Variants in ACSL4 observed in about 807,000 individuals in gnomAD.
ACSL4 encodes acyl-CoA synthetase long chain family member 4, also known as long-chain-fatty-acid--CoA ligase 4.
ACSL4 carries 9 observed loss-of-function variants against 49.1 expected under a neutral mutation model. The observed-to-expected ratio is 0.18, with a 90% CI of 0.11 to 0.32. ACSL4 has a LOEUF of 0.32. ACSL4 is among the 10% of genes least tolerant of loss of function. The probability of loss-of-function intolerance (pLI) is 1.00; values close to 1 mark genes in which losing one functional copy is unlikely to be tolerated. For synonymous variants in ACSL4, 191 were observed against 170.3 expected, an observed-to-expected ratio of 1.12 and a Z score of -0.95; for missense variants, 333 against 493.7, an observed-to-expected ratio of 0.67 and a Z score of 3.08.
intron 1 of ACSL4, among the ~76,000 whole-genome samples, chrX:109,698,398 T>C (rs1423734029): frequency 8.9e-6 from 1 of 111,767 alleles, no homozygotes; most frequent in African/African-American, 3.2e-5. Flanking sequence ...TAATTTAATA[T>C]AAAAAACTAA....
At chrX:109,675,689 A>G (rs1350733555) in intron 8 of ACSL4, among the ~76,000 whole-genome samples, 1 of 111,171 alleles carries the variant, frequency 9.0e-6, no homozygotes, top group South Asian at 3.8e-4. Context: ...TCACAAAGGG[A>G]AAAAAAAATT....
At chrX:109,704,859 T>C (rs767990867) in intron 1 of ACSL4, among the ~76,000 whole-genome samples, 80 of 111,443 alleles carry the variant, frequency 7.2e-4, no homozygotes, top group Non-Finnish European at 1.2e-3. Flanking sequence ...ATGGTGCCTA[T>C]AGTTAACAAT....
chrX:109,684,824 A>T (rs944856901), intron 2 of ACSL4, among the ~76,000 whole-genome samples: 5 of 111,260 alleles, frequency 4.5e-5, no homozygotes, highest in African/African-American at 1.6e-4. Flanking sequence ...ATGAAAAAAG[A>T]TACGAAGGTG....
intron 15 of ACSL4, among the ~76,000 whole-genome samples, chrX:109,652,055 T>TTTA (rs1921186798): frequency 9.0e-6 from 1 of 111,526 alleles, no homozygotes; most frequent in Non-Finnish European, 1.9e-5. Context: ...GACTTGCAGG[T>TTTA]GGCAGCAAAT....
rs747509532 is a variant in ACSL4, at chrX:109,682,867, G to A, written c.258C>T (p.Asn86=). ...TCACTCTGCGATTCACTTCAAGATA[G>A]TTCATCCATTTATAATTCCCAAGAA... The part of the protein sequence containing the change: ...KLILGNYKWM[N]YLEVNRRVNN... The change falls in exon 4 of 16, where the codon AAC becomes AAT. Residue 86 remains asparagine, a synonymous_variant. Coordinates refer to ENST00000672401, the MANE Select transcript of ACSL4 (RefSeq NM_001318510.2). 1 of 1,209,366 alleles carries A rather than the reference G, an allele frequency of 8.3e-7. No individual in the cohort carries two copies. Among genetic ancestry groups the A allele is most frequent in the African/African-American group, 1.7e-5 (1 of 57,237 alleles).
In ACSL4 at chrX:109,669,125, T is replaced by C. The variant is rs758159887; in HGVS notation, c.1051A>G (p.Met351Val). Residue 351 changes from methionine (M) to valine (V), a missense_variant, in exon 10 of 16, where the codon ATG becomes GTG. By Grantham distance (21) the Met-to-Val change is conservative. This residue lies in a region of ACSL4 where 175 missense variants were observed against 275.8 expected (regional missense o/e 0.63). Coordinates refer to ENST00000672401, the MANE Select transcript of ACSL4 (RefSeq NM_001318510.2). Reference protein sequence around the residue: ...YKNVMSKVQEMNYIQKTLFKI... With the variant: ...YKNVMSKVQEVNYIQKTLFKI... ...AACAGAGTTTTCTGAATATAATTCA[T>C]CTCTTGGACTTTGCTCATAACATTC... 1 of 1,170,250 alleles carries C rather than the reference T, an allele frequency of 8.5e-7. No individual in the cohort carries two copies. Among genetic ancestry groups the C allele is most frequent in the East Asian group, 3.0e-5 (1 of 33,470 alleles).
At chrX:109,663,087 A>G in intron 13 of ACSL4, 124 bp downstream of exon 13, 1 of 623,787 alleles carries the variant, frequency 1.6e-6, no homozygotes, top group Non-Finnish European at 2.4e-6. Context: ...ACATAAGTTA[A>G]ATAACTTGTC....
chrX:109,677,443 T>C (rs180685854), intron 8 of ACSL4, among the ~76,000 whole-genome samples: 1 of 110,997 alleles, frequency 9.0e-6, no homozygotes, highest in Non-Finnish European at 1.9e-5. Flanking sequence ...TTCTCAAGAG[T>C]AAAAATCTAG....
At chrX:109,663,599 A>T (rs1020134217) in intron 12 of ACSL4, among the ~76,000 whole-genome samples, 197 bp from the exon 13 acceptor site, 1 of 111,533 alleles carries the variant, frequency 9.0e-6, no homozygotes, top group Admixed American at 9.6e-5. Flanking sequence ...AGGCTCAATG[A>T]TAATCACCAC....
At chrX:109,727,749 G>A (rs921116367) in intron 1 of ACSL4, among the ~76,000 whole-genome samples, 1 of 107,349 alleles carries the variant, frequency 9.3e-6, no homozygotes, top group African/African-American at 3.4e-5. Flanking sequence ...TCTGGGGTCA[G>A]CACTTTTTCT....
chrX:109,672,137 G>A (rs1173028013), intron 9 of ACSL4, among the ~76,000 whole-genome samples: 1 of 98,342 alleles, frequency 1.0e-5, no homozygotes, highest in Non-Finnish European at 2.0e-5. Context: ...GTACAATATT[G>A]TTTTCTCCAT....
At chrX:109,644,352 T>C (rs1934546977) in intron 15 of ACSL4, among the ~76,000 whole-genome samples, 166 bp from the exon 16 acceptor site, 1 of 110,684 alleles carries the variant, frequency 9.0e-6, no homozygotes, top group African/African-American at 3.3e-5. Context: ...CACAAACTTA[T>C]TTAATGGTAT....
chrX:109,723,952 T>C (rs1315880339), intron 1 of ACSL4, among the ~76,000 whole-genome samples: 1 of 112,359 alleles, frequency 8.9e-6, no homozygotes, highest in Non-Finnish European at 1.9e-5. Context: ...CATCTTTTCT[T>C]TTTTATTCAC....
chrX:109,657,535 A>G (rs1410231533), intron 15 of ACSL4, among the ~76,000 whole-genome samples: 1 of 110,812 alleles, frequency 9.0e-6, no homozygotes, highest in African/African-American at 3.3e-5. Context: ...TGTCCCTACA[A>G]AGGACATGAA....
intron 15 of ACSL4, among the ~76,000 whole-genome samples, chrX:109,656,315 G>A (rs1412870954): frequency 9.0e-6 from 1 of 110,846 alleles, no homozygotes; most frequent in African/African-American, 3.3e-5. Flanking sequence ...TTAAGATCCA[G>A]GGAAACACAA....
At chrX:109,683,073 T>C (rs1331847427) in intron 3 of ACSL4, 63 bp downstream of exon 3, 2 of 1,139,726 alleles carry the variant, frequency 1.8e-6, no homozygotes, top group African/African-American at 1.8e-5. Context: ...CGCACTCGAT[T>C]TATGATAAAA....
At chrX:109,721,945 A>G (rs1927595395) in intron 1 of ACSL4, among the ~76,000 whole-genome samples, 1 of 110,999 alleles carries the variant, frequency 9.0e-6, no homozygotes, top group Non-Finnish European at 1.9e-5. Flanking sequence ...ACTTGATAGC[A>G]CCTAAAATCC....
At chrX:109,677,181 C>T (rs1463337030) in intron 8 of ACSL4, among the ~76,000 whole-genome samples, 4 of 109,878 alleles carry the variant, frequency 3.6e-5, no homozygotes, top group Non-Finnish European at 7.6e-5. Flanking sequence ...CCAGGATGGT[C>T]TCAATCTCCT....
At position 109,674,432 on chromosome X, in the gene ACSL4, T is replaced by C. The variant is rs757217066; in HGVS notation, c.972A>G (p.Val324=). 2.5e-6 allele frequency: 3 copies of C among 1,207,920 alleles called. No individual in the cohort carries two copies. Among genetic ancestry groups the C allele is most frequent in the Non-Finnish European group, 3.4e-6 (3 of 891,840 alleles). Residue 324 remains valine (V), a synonymous_variant, in exon 9 of 16, where the codon GTA becomes GTG. Transcript: ENST00000672401. ...CAGCAGCCATAAGTGTGGGCTTCAG[T>C]ACAGTACAGTCTCCTTTGCTTCCTT... ...IKKGSKGDCT[V]LKPTLMAAVP...
Sources: allele counts gnomAD v4.1 joint callset (sites outside exome capture counted in the v4.1 genomes callset), GRCh38; gene constraint gnomAD v4.1.1; regional missense constraint gnomAD v4.1.1; transcripts MANE v1.5; gene names NCBI Gene and HGNC (gene_info 2026-07-23, HGNC 2026-07-21).